LVRN: variants seen among roughly 807,000 people sequenced by gnomAD.
LVRN encodes the protein laeverin, also known as aminopeptidase Q.
Under a neutral mutation model 111.4 loss-of-function variants are expected in LVRN, and 99 were observed. That is an observed-to-expected ratio of 0.89 (90% CI 0.76 to 1.05). The LOEUF (loss-of-function observed/expected upper bound fraction) is 1.05. LVRN is among the 50% of genes least tolerant of loss of function. The probability of loss-of-function intolerance (pLI) is 0.00; values close to 1 mark genes in which losing one functional copy is unlikely to be tolerated. For synonymous variants in LVRN, 488 were observed against 449.5 expected (o/e 1.09, Z -1.08); for missense variants, 1,414 against 1,206.8 (o/e 1.17, Z -2.54).
chr5:116,018,314 T>C (rs757892874), intron 18 of LVRN, among the ~76,000 whole-genome samples: 28 of 152,314 alleles, frequency 1.8e-4, no homozygotes, highest in Non-Finnish European at 4.0e-4. Context: ...AATGCATACT[T>C]CTTAATTATT....
chr5:115,963,138 T>A lies in LVRN; in HGVS notation c.521T>A (p.Val174Glu). The change falls in exon 1 of 20, where the codon GTG becomes GAG. Residue 174 changes from valine (V) to glutamate (E), a missense_variant. Physicochemically the swap from Val to Glu is moderately radical, Grantham distance 121. Coordinates refer to ENST00000357872, the MANE Select transcript of LVRN (RefSeq NM_173800.5). ...ACTGGGAACGCCACAGTGGGCCGCG[T>A]GCCCGTGGACGACGTGTGGTTCGCG... ...PGTGNATVGR[V>E]PVDDVWFALD... The A allele has an allele frequency of 6.2e-7, 1 of 1,613,368 alleles. No individual in the cohort carries two copies. The highest frequency in any genetic ancestry group is 8.5e-7 in the Non-Finnish European group (1 of 1,179,886).
chr5:115,998,971 TGAGA>T (rs1167380340), intron 6 of LVRN, among the ~76,000 whole-genome samples: 3 of 152,144 alleles, frequency 2.0e-5, no homozygotes, highest in Non-Finnish European at 2.9e-5. Context: ...TGTCAAAGGG[TGAGA>T]GAGTCAACTT....
intron 15 of LVRN, among the ~76,000 whole-genome samples, chr5:116,012,676 C>T (rs942127060): frequency 5.9e-5 from 9 of 152,174 alleles, no homozygotes; most frequent in South Asian, 2.1e-4. Context: ...CTGCAAAGCA[C>T]GTGCATGTAC....
intron 13 of LVRN, among the ~76,000 whole-genome samples, chr5:116,006,401 G>A (rs553399739): frequency 3.3e-5 from 5 of 152,048 alleles, no homozygotes; most frequent in African/African-American, 1.2e-4. Flanking sequence ...TCTTTAGCCA[G>A]CCGTATTGTT....
chr5:116,006,368 C>G (rs1426834110), intron 13 of LVRN, among the ~76,000 whole-genome samples: 3 of 151,856 alleles, frequency 2.0e-5, no homozygotes, highest in Non-Finnish European at 4.4e-5. Flanking sequence ...ATATGTAATA[C>G]ATTATCTAGT....
intron 7 of LVRN, 132 bp from the exon 8 acceptor site, chr5:116,000,301 T>G: frequency 7.9e-7 from 1 of 1,268,462 alleles, no homozygotes; most frequent in Non-Finnish European, 1.1e-6. Flanking sequence ...CATTCCAAAA[T>G]AATTCAAACA....
At position 115,997,660 on chromosome 5, in the gene LVRN, C is replaced by CA. The variant is rs111907391; in HGVS notation, c.1375-2091dup. ...GCCTGGGCAACTGAGTGAGACTCTC[C>CA]AAAAAAAAAAAGGAAGAAATTTTAA... On this transcript the variant is annotated intron_variant, in intron 6 of 19. Coordinates refer to ENST00000357872, the MANE Select transcript of LVRN (RefSeq NM_173800.5). 2.7e-3 allele frequency among the ~76,000 whole-genome samples: 368 copies of CA among 136,450 alleles called. 6 individuals carry two copies. The East Asian group carries it at 0.054, about 20-fold the overall frequency. 89.5% of individuals were successfully genotyped at this position (136,450 alleles called of 152,430 possible).
intron 1 of LVRN, among the ~76,000 whole-genome samples, chr5:115,977,819 A>G (rs1753479586): frequency 6.6e-6 from 1 of 152,198 alleles, no homozygotes; most frequent in African/African-American, 2.4e-5. Flanking sequence ...TTGTAATTTA[A>G]TGAGAGAACT....
intron 1 of LVRN, among the ~76,000 whole-genome samples, chr5:115,982,991 C>T (rs761660675): frequency 2.6e-5 from 4 of 152,070 alleles, no homozygotes; most frequent in African/African-American, 4.8e-5. Flanking sequence ...GTTGCATATT[C>T]GCTATATTTG....
rs150861277 is a variant in LVRN at position 115,962,475 on chromosome 5, A to G, written c.-143A>G. On this transcript the variant is annotated 5_prime_UTR_variant, in exon 1 of 20. Coordinates refer to ENST00000357872, the MANE Select transcript of LVRN (RefSeq NM_173800.5). ...TCCCAACCGCTGTCTGCTGAGCTCC[A>G]GTCCGTCCAGGCTCTTCCAGGAGGA... 2.3e-3 allele frequency: 1,737 copies of G among 769,244 alleles called. 20 individuals carry two copies. The African/African-American group carries it at 0.027, about 12-fold the overall frequency. 47.7% of individuals were successfully genotyped at this position (769,244 alleles called of 1,614,324 possible).
chr5:116,020,659 A>C (rs1056577613), intron 18 of LVRN, among the ~76,000 whole-genome samples: 1 of 152,234 alleles, frequency 6.6e-6, no homozygotes, highest in African/African-American at 2.4e-5. Context: ...AGAAGTTATC[A>C]GAGTGGAGGG....
chr5:115,993,438 G>A (rs1748038054), intron 5 of LVRN, among the ~76,000 whole-genome samples: 2 of 152,156 alleles, frequency 1.3e-5, no homozygotes, highest in Non-Finnish European at 1.5e-5. Flanking sequence ...CAACTTTTGG[G>A]CCAAGTGGAC....
At chr5:115,983,577 T>G (rs1199633600) in intron 2 of LVRN, 148 bp downstream of exon 2, 2 of 875,130 alleles carry the variant, frequency 2.3e-6, no homozygotes, top group Non-Finnish European at 3.2e-6. Flanking sequence ...CTGGGATATG[T>G]GTCAGCATCC....
chr5:116,010,969 G>A (rs1748476845), intron 14 of LVRN, 75 bp downstream of exon 14: 1 of 1,096,946 alleles, frequency 9.1e-7, no homozygotes, highest in Non-Finnish European at 1.2e-6. Context: ...CAGCATCTGT[G>A]AGACAGGTCT....
chr5:115,965,536 C>T lies in LVRN; in HGVS notation c.695+2224C>T, dbSNP rs1040251681. Among the ~76,000 whole-genome samples, 18 of 152,122 alleles carry T rather than the reference C, an allele frequency of 1.2e-4. No individual in the cohort carries two copies. The East Asian group carries it at 1.7e-3, about 15-fold the overall frequency. ...GAGTTTAGAAATTTATACGTTTTGA[C>T]GATTGTCTCAGATAATTCTGATGCC... On this transcript the variant is annotated intron_variant, in intron 1 of 19. Coordinates refer to ENST00000357872, the MANE Select transcript of LVRN (RefSeq NM_173800.5).
At position 115,984,615 on chromosome 5, in the gene LVRN, C is replaced by T. The variant is rs766810003; in HGVS notation, c.884C>T (p.Thr295Ile). 2 of 1,613,628 alleles carry T rather than the reference C, an allele frequency of 1.2e-6. No homozygotes were observed. Among genetic ancestry groups the T allele is most frequent in the Admixed American group, 3.3e-5 (2 of 59,930 alleles). Residue 295 changes from threonine (T) to isoleucine (I), a missense_variant, in exon 3 of 20, where the codon ACA becomes ATA. By Grantham distance (89) the Thr-to-Ile change is moderately conservative. Coordinates refer to ENST00000357872, the MANE Select transcript of LVRN (RefSeq NM_173800.5). ...GTGAATGGAAGCAAATGGACTGTTA[C>T]AACCTTTTCCACTACGCCCCACATG... ...EDVNGSKWTV[T>I]TFSTTPHMPT...
At chr5:116,014,681 C>G (rs1351911440) in intron 16 of LVRN, among the ~76,000 whole-genome samples, 154 bp downstream of exon 16, 1 of 152,050 alleles carries the variant, frequency 6.6e-6, no homozygotes, top group Non-Finnish European at 1.5e-5. Context: ...TTTAAAAAAC[C>G]AGTGTTTAAT....
At chr5:115,964,941 G>T (rs867996123) in intron 1 of LVRN, among the ~76,000 whole-genome samples, 27 of 152,308 alleles carry the variant, frequency 1.8e-4, no homozygotes, top group African/African-American at 6.3e-4. Context: ...TGAAGCCAGG[G>T]TCATGAAGAA....
At position 115,969,624 on chromosome 5, in the gene LVRN, C is replaced by T. The variant is rs547894739; in HGVS notation, c.695+6312C>T. On this transcript the variant is annotated intron_variant, in intron 1 of 19. Transcript: ENST00000357872. ...CATCCTGGCTAACACAGTGAAACCC[C>T]GTCTCTACTAAAAATACGAAAAAAA... Among the ~76,000 whole-genome samples the T allele has an allele frequency of 4.0e-5, 6 of 151,676 alleles. No individual in the cohort carries two copies. In the South Asian group the frequency reaches 1.0e-3, roughly 26 times the overall value.
Sources: allele counts gnomAD v4.1 joint callset (sites outside exome capture counted in the v4.1 genomes callset), GRCh38; gene constraint gnomAD v4.1.1; transcripts MANE v1.5; gene names NCBI Gene and HGNC (gene_info 2026-07-23, HGNC 2026-07-21).